Variants in RAD51B observed in about 807,000 individuals in gnomAD.
RAD51B encodes RAD51 paralog B.
Under a neutral mutation model 42.2 loss-of-function variants are expected in RAD51B, and 38 were observed. The observed-to-expected ratio is 0.90, with a 90% CI of 0.70 to 1.18. RAD51B has a LOEUF of 1.18. RAD51B is among the 50% of genes most tolerant of loss of function. The pLI is 0.00. For synonymous variants in RAD51B, 154 were observed against 145.2 expected, an observed-to-expected ratio of 1.06 and a Z score of -0.43; for missense variants, 373 against 400.7, an observed-to-expected ratio of 0.93 and a Z score of 0.59.
chr14:68,377,058 T>C (rs1160523893), intron 8 of RAD51B, among the ~76,000 whole-genome samples: 1 of 152,062 alleles, frequency 6.6e-6, no homozygotes, highest in African/African-American at 2.4e-5. Flanking sequence ...TATTATTGAG[T>C]TTTGCAAACA....
chr14:68,266,326 AG>A (rs1366530577), intron 7 of RAD51B, among the ~76,000 whole-genome samples: 2 of 152,224 alleles, frequency 1.3e-5, no homozygotes, highest in African/African-American at 4.8e-5. Context: ...GTCATACAGA[AG>A]TATGATTGGA....
chr14:68,270,567 G>C (rs1010945523), intron 7 of RAD51B, among the ~76,000 whole-genome samples: 1 of 152,168 alleles, frequency 6.6e-6, no homozygotes, highest in South Asian at 2.1e-4. Context: ...GGTCACAGGG[G>C]TTCAGCCAGT....
intron 7 of RAD51B, among the ~76,000 whole-genome samples, chr14:68,060,015 G>T (rs1012321147): frequency 2.6e-5 from 4 of 152,174 alleles, no homozygotes; most frequent in African/African-American, 9.7e-5. Context: ...TGCCAGAAAG[G>T]CAGTGTGATG....
intron 8 of RAD51B, among the ~76,000 whole-genome samples, chr14:68,361,733 C>T (rs757369689): frequency 3.3e-5 from 5 of 151,954 alleles, no homozygotes; most frequent in East Asian, 1.9e-4. Flanking sequence ...TGGAGTATGG[C>T]GGCACGATCT....
intron 7 of RAD51B, among the ~76,000 whole-genome samples, chr14:68,091,410 G>T (rs897082790): frequency 6.6e-6 from 1 of 152,140 alleles, no homozygotes. Flanking sequence ...GGTGTGAGAT[G>T]GTATCTCATT....
intron 7 of RAD51B, among the ~76,000 whole-genome samples, chr14:68,222,715 A>G (rs1483153532): frequency 6.6e-6 from 1 of 152,200 alleles, no homozygotes; most frequent in African/African-American, 2.4e-5. Context: ...GTGTTATTCA[A>G]ATACCCATAG....
chr14:68,411,599 T>C, intron 9 of RAD51B, 72 bp downstream of exon 9: 1 of 1,425,704 alleles, frequency 7.0e-7, no homozygotes, highest in South Asian at 1.2e-5. Context: ...CTGAGCGTCT[T>C]CTGAAAATGC....
intron 8 of RAD51B, among the ~76,000 whole-genome samples, chr14:68,330,816 G>C (rs1441564407): frequency 6.6e-6 from 1 of 152,086 alleles, no homozygotes; most frequent in Non-Finnish European, 1.5e-5. Context: ...AACTAGATAA[G>C]ATAAGTGAGG....
At position 68,293,117 on chromosome 14, in the gene RAD51B, G is replaced by A. The variant is rs925029643; in HGVS notation, c.853+1137G>A. On this transcript the variant is annotated intron_variant, in intron 8 of 10. Coordinates refer to ENST00000471583, the MANE Select transcript of RAD51B (RefSeq NM_133510.4). ...AATAACATCCAGATTGGCCTTCCCA[G>A]CTCTAGCCTCTACAGTTTCCATTCT... Among the ~76,000 whole-genome samples the A allele has an allele frequency of 1.8e-4, 27 of 152,094 alleles. 1 individual carries two copies. Among genetic ancestry groups the A allele is most frequent in the Non-Finnish European group, 1.5e-5 (1 of 68,024 alleles).
At chr14:68,199,342 A>G (rs542849514) in intron 7 of RAD51B, among the ~76,000 whole-genome samples, 2 of 152,314 alleles carry the variant, frequency 1.3e-5, no homozygotes, top group East Asian at 1.9e-4. Flanking sequence ...GGCTCATGTA[A>G]TGTTCACTGT....
chr14:68,620,857 A>C (rs1595032317), intron 10 of RAD51B, among the ~76,000 whole-genome samples: 1 of 152,222 alleles, frequency 6.6e-6, no homozygotes, highest in Admixed American at 6.5e-5. Flanking sequence ...GCAGCTCGGG[A>C]GTTTCTGTAA....
intron 3 of RAD51B, 102 bp from the exon 4 acceptor site, chr14:67,834,978 T>C: frequency 1.3e-6 from 1 of 778,290 alleles, no homozygotes; most frequent in South Asian, 1.7e-5. Context: ...GGGAAAAGGA[T>C]GGATTAGGGT....
intron 10 of RAD51B, chr14:68,470,711 C>T (rs1325327140): frequency 2.3e-6 from 1 of 433,318 alleles, no homozygotes; most frequent in Non-Finnish European, 4.4e-6. Context: ...TAAAATATTT[C>T]TTGTGTGATT....
At chr14:68,409,626 C>T (rs2084367566) in intron 8 of RAD51B, among the ~76,000 whole-genome samples, 2 of 152,208 alleles carry the variant, frequency 1.3e-5, no homozygotes, top group South Asian at 4.1e-4. Context: ...GACAAGAGGT[C>T]AAGGAGGATG....
intron 7 of RAD51B, among the ~76,000 whole-genome samples, chr14:67,896,474 T>C (rs2043422489): frequency 1.3e-5 from 2 of 152,222 alleles, no homozygotes; most frequent in African/African-American, 2.4e-5. Flanking sequence ...GAATTTAACA[T>C]CAGTGCTCTG....
At chr14:68,172,807 A>C (rs1327596955) in intron 7 of RAD51B, among the ~76,000 whole-genome samples, 3 of 152,218 alleles carry the variant, frequency 2.0e-5, no homozygotes, top group African/African-American at 7.2e-5. Flanking sequence ...AAGAGAAATA[A>C]GACACTTAAT....
At chr14:67,999,348 C>T (rs1431092833) in intron 7 of RAD51B, among the ~76,000 whole-genome samples, 1 of 152,140 alleles carries the variant, frequency 6.6e-6, no homozygotes, top group Non-Finnish European at 1.5e-5. Flanking sequence ...CACATGATTT[C>T]AGGCAGCACT....
intron 10 of RAD51B, among the ~76,000 whole-genome samples, chr14:68,626,139 A>G (rs1388089259): frequency 6.6e-6 from 1 of 152,230 alleles, no homozygotes; most frequent in Non-Finnish European, 1.5e-5. Flanking sequence ...ATAGGTCCCT[A>G]TCTTCAAGGT....
intron 8 of RAD51B, among the ~76,000 whole-genome samples, chr14:68,376,635 C>A (rs986507043): frequency 2.6e-5 from 4 of 152,206 alleles, no homozygotes; most frequent in Non-Finnish European, 4.4e-5. Context: ...CCGCATTCCT[C>A]CCTGGTATTC....
Sources: allele counts gnomAD v4.1 joint callset (sites outside exome capture counted in the v4.1 genomes callset), GRCh38; gene constraint gnomAD v4.1.1; transcripts MANE v1.5; gene names NCBI Gene and HGNC (gene_info 2026-07-23, HGNC 2026-07-21).